SLC4A3: variants seen among roughly 807,000 people sequenced by gnomAD.
SLC4A3 encodes the protein solute carrier family 4 member 3.
SLC4A3 carries 47 observed loss-of-function variants against 114.2 expected under a neutral mutation model. That is an observed-to-expected ratio of 0.41 (90% CI 0.33 to 0.52). The LOEUF is 0.52. Ranked by LOEUF, SLC4A3 falls within the 20% of genes least tolerant of loss-of-function variation. SLC4A3 has a pLI of 0.21. For missense variants in SLC4A3, 1,312 were observed against 1,668.3 expected (o/e 0.79, Z 3.72); for synonymous variants, 693 against 710.3 (o/e 0.98, Z 0.39).
At chr2:219,632,565 C>A in intron 8 of SLC4A3, 123 bp downstream of exon 8, 1 of 1,181,774 alleles carries the variant, frequency 8.5e-7, no homozygotes, top group Non-Finnish European at 1.2e-6. Context: ...CACCTGGGAC[C>A]GTGGGGGTCC....
At chr2:219,635,997 T>C (rs1010635113) in intron 14 of SLC4A3, 106 bp downstream of exon 14, 10 of 885,284 alleles carry the variant, frequency 1.1e-5, no homozygotes, top group East Asian at 2.7e-5. Flanking sequence ...AGGGGGCCAA[T>C]GGTTAGATGT....
At chr2:219,633,796 G>A (rs754393504) in intron 10 of SLC4A3, 84 bp from the exon 11 acceptor site, 126 of 1,538,022 alleles carry the variant, frequency 8.2e-5, no homozygotes, top group Non-Finnish European at 1.0e-4. Flanking sequence ...GCAGGTCTCA[G>A]AGCCAGGGCT....
chr2:219,640,553 T>C lies in SLC4A3; in HGVS notation c.3401T>C (p.Ile1134Thr), dbSNP rs1314587871. ...CAGCTGTCCCAGCGTTTGTTGCTCA[T>C]CCTCATGCCGGCAAAACACCATCCT... The part of the protein sequence containing the change: ...GIQLSQRLLL[I>T]LMPAKHHPEQ... The change falls in exon 21 of 23, where the codon ATC becomes ACC. Residue 1134 changes from isoleucine to threonine, a missense_variant. Ile to Thr is a moderately conservative substitution (Grantham distance 89). Transcript: ENST00000358055. The C allele has an allele frequency of 3.1e-6, 5 of 1,614,000 alleles. No individual in the cohort carries two copies. In the Admixed American group the frequency reaches 8.3e-5, roughly 27 times the overall value.
chr2:219,629,682 C>G lies in SLC4A3; in HGVS notation c.598C>G (p.Gln200Glu). 1 of 1,611,206 alleles carries G rather than the reference C, an allele frequency of 6.2e-7. No homozygotes were observed. Among genetic ancestry groups the G allele is most frequent in the Non-Finnish European group, 8.5e-7 (1 of 1,178,292 alleles). The change falls in exon 5 of 23, where the codon CAG becomes GAG. Residue 200 changes from glutamine to glutamate, a missense_variant. Gln to Glu is a conservative substitution (Grantham distance 29). This residue lies in a region of SLC4A3 where 771 missense variants were observed against 977.7 expected (regional missense o/e 0.79). Transcript: ENST00000358055. ...SVGPHTDKSP[Q>E]HSSSSPSPRA... ...GGGCCCACACACTGACAAGAGCCCC[C>G]AGCACTCCAGCAGGTACTGGCTGCA...
Position 219,627,686 on chromosome 2 carries a change from A to C in SLC4A3, c.-153A>C, listed in dbSNP as rs978968381. On this transcript the variant is annotated 5_prime_UTR_variant, in exon 1 of 23. Coordinates refer to ENST00000358055, the MANE Select transcript of SLC4A3 (RefSeq NM_005070.4). ...GCAGTCGCGGCTGCGCTCGGGAGAG[A>C]GCGCGGGGGACATGGGGCGCGGCGG... 5.3e-6 allele frequency: 1 copy of C among 189,612 alleles called. No individual in the cohort carries two copies. Among genetic ancestry groups the C allele is most frequent in the African/African-American group, 2.4e-5 (1 of 42,288 alleles). 11.7% of individuals were successfully genotyped at this position (189,612 alleles called of 1,614,324 possible).
In SLC4A3 at chr2:219,632,103, G is replaced by T; in HGVS notation, c.947G>T (p.Arg316Leu). Residue 316 changes from arginine (R) to leucine (L), a missense_variant, in exon 7 of 23, where the codon CGG becomes CTG. Physicochemically the swap from Arg to Leu is moderately radical, Grantham distance 102. Around this residue, in one of 4 missense-constraint regions of SLC4A3, gnomAD observed 771 missense variants for 977.7 expected, o/e 0.79. Transcript: ENST00000358055. Reference protein sequence around the residue: ...RRKKKKKKLDRRPHEVFVELN... With the variant: ...RRKKKKKKLDLRPHEVFVELN... The stretch of plus-strand genomic sequence containing the variant: ...AAGAAGAAGAAGAAAAAGCTGGACC[G>T]GAGGCCTCATGAGGTCAGGATGCTG... 1.2e-6 allele frequency: 2 copies of T among 1,613,574 alleles called. No homozygotes were observed. Among genetic ancestry groups the T allele is most frequent in the African/African-American group, 1.3e-5 (1 of 75,044 alleles).
At chr2:219,640,732 G>C (rs896742809) in intron 21 of SLC4A3, 57 bp from the exon 22 acceptor site, 4 of 1,582,154 alleles carry the variant, frequency 2.5e-6, no homozygotes, top group South Asian at 1.1e-5. Context: ...CCACGATGTG[G>C]GTGGGTGGGA....
At position 219,636,988 on chromosome 2, in the gene SLC4A3, G is replaced by C. The variant is rs1699140168; in HGVS notation, c.2535+114G>C. ...ACTAGGGGACAAGGAGAGGGACTGT[G>C]TTGGGAGTGAGGGGTTCTAGGGACA... On this transcript the variant is annotated intron_variant, in intron 16 of 22. Transcript: ENST00000358055. The surrounding 1 kb of genome is among the most constrained non-coding windows in gnomAD (Gnocchi z 5.5). The C allele has an allele frequency of 2.0e-6, 2 of 980,706 alleles. No homozygotes were observed. Among genetic ancestry groups the C allele is most frequent in the East Asian group, 2.4e-5 (1 of 41,524 alleles). The allele number at this position is 980,706 out of a possible 1,614,324, so 60.8% of individuals were successfully genotyped here.
chr2:219,629,127 A>G lies in SLC4A3; in HGVS notation c.218-17A>G, dbSNP rs747113962. On this transcript the variant is annotated splice_polypyrimidine_tract_variant and intron_variant, in intron 3 of 22. Transcript: ENST00000358055. ...TTTCTGCTGTGGGGGCCTCAACCGG[A>G]TCTCCTGCACCCCCAGTTCACCGGC... 6.4e-7 allele frequency: 1 copy of G among 1,554,414 alleles called. No homozygotes were observed. Among genetic ancestry groups the G allele is most frequent in the Non-Finnish European group, 8.7e-7 (1 of 1,149,780 alleles).
chr2:219,636,273 C>T lies in SLC4A3; in HGVS notation c.2192-29C>T. On this transcript the variant is annotated intron_variant, in intron 14 of 22. Coordinates refer to ENST00000358055, the MANE Select transcript of SLC4A3 (RefSeq NM_005070.4). This position sits in a 1 kb window ranked among gnomAD's most constrained non-coding sequence, Gnocchi z 5.5. Reference sequence around the variant, plus strand: ...AAGGGGGCAGATAGACAGAGCCAGGCTAGGGCCATCCTACCCGTGCTATGG... The same window carrying T: ...AAGGGGGCAGATAGACAGAGCCAGGTTAGGGCCATCCTACCCGTGCTATGG... The T allele has an allele frequency of 6.2e-7, 1 of 1,611,840 alleles. No homozygotes were observed. The highest frequency in any genetic ancestry group is 1.3e-5 in the African/African-American group (1 of 74,990).
chr2:219,641,004 G>A lies in SLC4A3; in HGVS notation c.3621+42G>A. On this transcript the variant is annotated intron_variant, in intron 22 of 22. Coordinates refer to ENST00000358055, the MANE Select transcript of SLC4A3 (RefSeq NM_005070.4). The surrounding 1 kb of genome is among the most constrained non-coding windows in gnomAD (Gnocchi z 4.0). ...CTGGGGAAACAGTGTTAGGGCAAAT[G>A]GGCACTGGGTTCCAATCTCTGTTTG... 2.5e-6 allele frequency: 4 copies of A among 1,572,836 alleles called. No homozygotes were observed. The highest frequency in any genetic ancestry group is 3.4e-6 in the Non-Finnish European group (4 of 1,160,366).
In SLC4A3 at chr2:219,628,328, A is replaced by G. The variant is rs1403931553; in HGVS notation, c.52-77A>G. 2.6e-5 allele frequency: 37 copies of G among 1,440,066 alleles called. No homozygotes were observed. Among genetic ancestry groups the G allele is most frequent in the Admixed American group, 1.3e-4 (5 of 37,732 alleles). The allele number at this position is 1,440,066 out of a possible 1,614,324, so 89.2% of individuals were successfully genotyped here. On this transcript the variant is annotated intron_variant, in intron 2 of 22. Coordinates refer to ENST00000358055, the MANE Select transcript of SLC4A3 (RefSeq NM_005070.4). The surrounding 1 kb of genome is among the most constrained non-coding windows in gnomAD (Gnocchi z 4.8). ...TGTGAGAGCCTGCTGAGCTCCCCCA[A>G]CTAGGGCTTGGAGTTGGGGTGGGTG... is the stretch of plus-strand genomic sequence containing the variant.
At chr2:219,634,032 C>A in intron 11 of SLC4A3, 53 bp downstream of exon 11, 2 of 1,479,466 alleles carry the variant, frequency 1.4e-6, no homozygotes, top group South Asian at 2.8e-5. Flanking sequence ...TGTGCCTCTC[C>A]TGGGGGCCTG....
chr2:219,629,929 G>C lies in SLC4A3; in HGVS notation c.612-224G>C, dbSNP rs145366171. On this transcript the variant is annotated intron_variant, in intron 5 of 22. Coordinates refer to ENST00000358055, the MANE Select transcript of SLC4A3 (RefSeq NM_005070.4). ...GAAGAGCAGAGTGAAGAGGTTAGGA[G>C]TTCCCCAGGAGAGAGTGACAGAGTA... is the stretch of plus-strand genomic sequence containing the variant. 1.9e-4 allele frequency: 162 copies of C among 847,382 alleles called. No individual in the cohort carries two copies. In the African/African-American group the frequency reaches 2.5e-3, roughly 13 times the overall value. The allele number at this position is 847,382 out of a possible 1,614,324, so 52.5% of individuals were successfully genotyped here. A position where few individuals can be genotyped will look rare whatever the true frequency, so the allele number is the denominator to read the frequency against.
intron 20 of SLC4A3, 45 bp from the exon 21 acceptor site, chr2:219,640,385 C>T (rs775956619): frequency 2.2e-5 from 35 of 1,579,544 alleles, no homozygotes; most frequent in Middle Eastern, 1.7e-4. Flanking sequence ...TCCATCCTCA[C>T]GGGGGCTGTC....
Position 219,636,258 on chromosome 2 carries a change from A to G in SLC4A3, c.2192-44A>G. On this transcript the variant is annotated intron_variant, in intron 14 of 22. Coordinates refer to ENST00000358055, the MANE Select transcript of SLC4A3 (RefSeq NM_005070.4). The surrounding 1 kb of genome is among the most constrained non-coding windows in gnomAD (Gnocchi z 5.5). ...ACAAGCTAGATGAAGAAGGGGGCAG[A>G]TAGACAGAGCCAGGCTAGGGCCATC... 6.2e-7 allele frequency: 1 copy of G among 1,609,484 alleles called. No individual in the cohort carries two copies. Among genetic ancestry groups the G allele is most frequent in the Non-Finnish European group, 8.5e-7 (1 of 1,179,130 alleles).
rs757584414 is a variant in SLC4A3 at position 219,633,872 on chromosome 2, G to A, written c.1462-8G>A. On this transcript the variant is annotated splice_region_variant and splice_polypyrimidine_tract_variant and intron_variant, in intron 10 of 22. Coordinates refer to ENST00000358055, the MANE Select transcript of SLC4A3 (RefSeq NM_005070.4). ...GGTCCCAGCCCTATTCCAGTTCTGC[G>A]TCCTCAGAAGCCCCTCCACATGCCT... The A allele has an allele frequency of 3.8e-5, 59 of 1,554,238 alleles. No individual in the cohort carries two copies. The highest frequency in any genetic ancestry group is 1.7e-4 in the Middle Eastern group (1 of 6,016).
rs1559195181 is a variant in SLC4A3, at chr2:219,627,925, G to C, written c.-68G>C. ...GGCTCCCCGCTAGGCCCCCTCAGTG[G>C]CCCCTCCTTCTCACCTGGGTCTCGG... On this transcript the variant is annotated 5_prime_UTR_variant, in exon 2 of 23. Coordinates refer to ENST00000358055, the MANE Select transcript of SLC4A3 (RefSeq NM_005070.4). 2.9e-6 allele frequency: 4 copies of C among 1,367,368 alleles called. No individual in the cohort carries two copies. Among genetic ancestry groups the C allele is most frequent in the Non-Finnish European group, 4.1e-6 (4 of 976,060 alleles). The allele number at this position is 1,367,368 out of a possible 1,614,324, so 84.7% of individuals were successfully genotyped here.
chr2:219,639,524 C>A lies in SLC4A3; in HGVS notation c.3066C>A (p.Ser1022=). 6.2e-7 allele frequency: 1 copy of A among 1,613,974 alleles called. No homozygotes were observed. Among genetic ancestry groups the A allele is most frequent in the Non-Finnish European group, 8.5e-7 (1 of 1,180,022 alleles). The part of the protein sequence containing the change: ...SQKARRLLKG[S]GFHLDLLLIG... The stretch of plus-strand genomic sequence containing the variant: ...AGGCGCGGAGGCTGCTCAAGGGCTC[C>A]GGTTTCCACCTGGACCTGCTCCTCA... The change falls in exon 20 of 23, where the codon TCC becomes TCA. Residue 1022 remains serine (S), a synonymous_variant. Transcript: ENST00000358055. This position sits in a 1 kb window ranked among gnomAD's most constrained non-coding sequence, Gnocchi z 5.9.
Sources: gnomAD v4.1 joint callset for allele counts on GRCh38, gnomAD v4.1.1 for gene constraint, gnomAD v4.1.1 regional missense constraint, Gnocchi (gnomAD v3.1) non-coding constraint, MANE v1.5 for transcripts, NCBI Gene and HGNC (gene_info 2026-07-23, HGNC 2026-07-21) for gene names.